The following ENTREP2 variants were observed in gnomAD, a reference collection of about 807,000 sequenced individuals.
The protein encoded by ENTREP2 is endosomal transmembrane epsin interactor 2, also known as protein ENTREP2.
At chr15:29,155,145 G>A in the ENTREP2 span, among the ~76,000 whole-genome samples, 2 of 152,036 alleles carry the variant, frequency 1.3e-5, no homozygotes, top group Non-Finnish European at 1.5e-5. Context: ...AGTCGGGCGT[G>A]GTGGCCGGCG....
the ENTREP2 span, among the ~76,000 whole-genome samples, chr15:29,349,255 A>G: frequency 6.6e-6 from 1 of 152,194 alleles, no homozygotes; most frequent in East Asian, 1.9e-4. Flanking sequence ...AAAAAATAAA[A>G]TGAGAAGACT....
chr15:29,131,286 G>A, the ENTREP2 span, among the ~76,000 whole-genome samples: 8 of 152,054 alleles, frequency 5.3e-5, no homozygotes, highest in South Asian at 4.2e-4. Flanking sequence ...TATGTGGATC[G>A]TAAGTGTCAG....
At chr15:29,123,184 C>T in the ENTREP2 span, 3 of 785,530 alleles carry the variant, frequency 3.8e-6, no homozygotes, top group Admixed American at 3.0e-5. Flanking sequence ...GTAACAGTTC[C>T]CTGCCCACAC....
At chr15:29,641,658 CCT>C in the ENTREP2 span, among the ~76,000 whole-genome samples, 2 of 151,584 alleles carry the variant, frequency 1.3e-5, no homozygotes, top group African/African-American at 4.8e-5. Context: ...ATGGTGAAAC[CCT>C]GTCTCTAAAA....
At chr15:29,352,196 A>G in the ENTREP2 span, among the ~76,000 whole-genome samples, 1 of 152,088 alleles carries the variant, frequency 6.6e-6, no homozygotes, top group Non-Finnish European at 1.5e-5. Context: ...TGGCCTCCCA[A>G]AGCACTGGGA....
the ENTREP2 span, among the ~76,000 whole-genome samples, chr15:29,351,126 C>A: frequency 1.3e-5 from 2 of 152,138 alleles, no homozygotes; most frequent in East Asian, 3.9e-4. Flanking sequence ...TCGCACTAAC[C>A]TAGATGGCAT....
At chr15:29,317,518 G>GCA in the ENTREP2 span, among the ~76,000 whole-genome samples, 6 of 152,232 alleles carry the variant, frequency 3.9e-5, 1 homozygote, top group Middle Eastern at 0.01. Context: ...TGCATTCAAA[G>GCA]ACTCAATCAA....
At chr15:29,489,722 A>C in the ENTREP2 span, among the ~76,000 whole-genome samples, 2 of 152,136 alleles carry the variant, frequency 1.3e-5, no homozygotes, top group Non-Finnish European at 2.9e-5. Context: ...TATGAAGGAG[A>C]ACTTAACAGC....
At chr15:29,638,462 A>G in the ENTREP2 span, among the ~76,000 whole-genome samples, 1 of 152,260 alleles carries the variant, frequency 6.6e-6, no homozygotes, top group East Asian at 1.9e-4. Flanking sequence ...TACCTTCTGC[A>G]TCTCAGAGTG....
At chr15:29,176,163 C>A in the ENTREP2 span, among the ~76,000 whole-genome samples, 1 of 118,208 alleles carries the variant, frequency 8.5e-6, no homozygotes, top group African/African-American at 3.4e-5. Context: ...TGTCTCTAAT[C>A]TGCATTTAAC....
At chr15:29,596,173 C>T in the ENTREP2 span, among the ~76,000 whole-genome samples, 1 of 152,288 alleles carries the variant, frequency 6.6e-6, no homozygotes, top group East Asian at 1.9e-4. Context: ...TTTGCTGTTA[C>T]TTTTAATGTA....
At chr15:29,301,229 A>G in the ENTREP2 span, among the ~76,000 whole-genome samples, 1 of 152,262 alleles carries the variant, frequency 6.6e-6, no homozygotes, top group Admixed American at 6.5e-5. Context: ...TTGTTATAAA[A>G]TAAAAAATAA....
the ENTREP2 span, among the ~76,000 whole-genome samples, chr15:29,505,904 G>C: frequency 1.1e-4 from 17 of 151,956 alleles, no homozygotes; most frequent in East Asian, 3.1e-3. This position sits in a 1 kb window ranked among gnomAD's most constrained non-coding sequence, Gnocchi z 4.3. Context: ...ACTGGACAGA[G>C]AATGAGTTTG....
chr15:29,387,559 G>C, the ENTREP2 span, among the ~76,000 whole-genome samples: 25 of 152,210 alleles, frequency 1.6e-4, no homozygotes, highest in Non-Finnish European at 3.7e-4. Context: ...GTAATTTATA[G>C]ATTCAATGCC....
At chr15:29,660,017 G>C in the ENTREP2 span, among the ~76,000 whole-genome samples, 3 of 151,994 alleles carry the variant, frequency 2.0e-5, no homozygotes, top group Admixed American at 1.3e-4. Flanking sequence ...GCCCAGGCTG[G>C]TCTCGAACTA....
the ENTREP2 span, among the ~76,000 whole-genome samples, chr15:29,650,797 C>A: frequency 6.6e-6 from 1 of 152,040 alleles, no homozygotes; most frequent in Admixed American, 6.5e-5. Flanking sequence ...TTGCTTGAGA[C>A]CAGGAGTTCA....
the ENTREP2 span, among the ~76,000 whole-genome samples, chr15:29,352,220 C>T: frequency 8.5e-5 from 13 of 152,182 alleles, no homozygotes; most frequent in Non-Finnish European, 1.8e-4. Context: ...CAGGTGTGAG[C>T]CACTGCACCT....
At chr15:29,617,682 G>A in the ENTREP2 span, among the ~76,000 whole-genome samples, 7 of 152,202 alleles carry the variant, frequency 4.6e-5, no homozygotes, top group Non-Finnish European at 1.0e-4. Flanking sequence ...AAAGCACCAA[G>A]CCCTACTTGT....
At chr15:29,536,215 T>C in the ENTREP2 span, among the ~76,000 whole-genome samples, 4 of 152,164 alleles carry the variant, frequency 2.6e-5, no homozygotes, top group African/African-American at 9.7e-5. Flanking sequence ...TCCTTGCCAC[T>C]AAGAAGAGAC....
Sources: allele counts gnomAD v4.1 joint callset (sites outside exome capture counted in the v4.1 genomes callset), GRCh38; gene constraint gnomAD v4.1.1; non-coding constraint Gnocchi (gnomAD v3.1); transcripts MANE v1.5; gene names NCBI Gene and HGNC (gene_info 2026-07-23, HGNC 2026-07-21).